CNTNAP2: variants seen among roughly 807,000 people sequenced by gnomAD.
CNTNAP2 encodes contactin-associated protein-like 2.
In CNTNAP2, 98 loss-of-function variants were observed where a neutral mutation model predicts 155.2. The ratio of observed to expected loss-of-function variants is 0.63; its 90% CI spans 0.54 to 0.75. The LOEUF (loss-of-function observed/expected upper bound fraction) is 0.75. Ranked by LOEUF, CNTNAP2 falls within the 30% of genes least tolerant of loss-of-function variation. The pLI is 0.00. For missense variants in CNTNAP2, 1,727 were observed against 1,688.1 expected (o/e 1.02, Z -0.40); for synonymous variants, 651 against 631.2 (o/e 1.03, Z -0.47).
intron 1 of CNTNAP2, among the ~76,000 whole-genome samples, chr7:146,499,919 A>G (rs1054021390): frequency 6.6e-6 from 1 of 152,220 alleles, no homozygotes; most frequent in Non-Finnish European, 1.5e-5. Flanking sequence ...TTTAGAGTAC[A>G]AGTCTTACAC....
chr7:146,536,304 A>G (rs1030329002), intron 1 of CNTNAP2, among the ~76,000 whole-genome samples: 3 of 152,130 alleles, frequency 2.0e-5, no homozygotes, highest in African/African-American at 2.4e-5. Flanking sequence ...TATACATAGA[A>G]GAGAGCAGCT....
intron 1 of CNTNAP2, among the ~76,000 whole-genome samples, chr7:146,617,763 A>AT (rs1242495129): frequency 1.3e-4 from 20 of 152,270 alleles, no homozygotes; most frequent in African/African-American, 3.1e-4. Flanking sequence ...GAAACAAAAT[A>AT]TTTTTTTAAA....
At chr7:148,244,949 G>A (rs1051989543) in intron 20 of CNTNAP2, among the ~76,000 whole-genome samples, 2 of 151,918 alleles carry the variant, frequency 1.3e-5, no homozygotes, top group Non-Finnish European at 2.9e-5. Context: ...ATATTTAATA[G>A]TAATATGATT....
At chr7:147,467,839 G>A (rs932881805) in intron 10 of CNTNAP2, among the ~76,000 whole-genome samples, 1 of 149,202 alleles carries the variant, frequency 6.7e-6, no homozygotes, top group Non-Finnish European at 1.5e-5. Context: ...ACACCAGCCT[G>A]GGAAACATAG....
At chr7:147,714,106 A>G (rs1796447177) in intron 13 of CNTNAP2, among the ~76,000 whole-genome samples, 1 of 152,112 alleles carries the variant, frequency 6.6e-6, no homozygotes, top group Non-Finnish European at 1.5e-5. Flanking sequence ...ATTAATACAC[A>G]TAAGAACCCT....
At chr7:146,554,249 TA>T (rs1305464831) in intron 1 of CNTNAP2, among the ~76,000 whole-genome samples, 2 of 152,062 alleles carry the variant, frequency 1.3e-5, no homozygotes, top group African/African-American at 2.4e-5. Context: ...CTGAAGCCCC[TA>T]AAAAAATACT....
chr7:146,147,702 G>T (rs1310991270), intron 1 of CNTNAP2, among the ~76,000 whole-genome samples: 1 of 152,034 alleles, frequency 6.6e-6, no homozygotes. Flanking sequence ...ATAGACATCT[G>T]CTCTATCCTG....
At chr7:147,934,038 CT>C (rs1800559744) in intron 14 of CNTNAP2, among the ~76,000 whole-genome samples, 1 of 152,112 alleles carries the variant, frequency 6.6e-6, no homozygotes, top group Admixed American at 6.6e-5. Flanking sequence ...GAGTAGAATG[CT>C]GGTTGCCAGG....
intron 3 of CNTNAP2, among the ~76,000 whole-genome samples, chr7:146,973,092 G>A (rs986167766): frequency 5.3e-5 from 8 of 152,228 alleles, no homozygotes; most frequent in East Asian, 1.9e-4. Flanking sequence ...GCAATGGCAC[G>A]ATCCCAGCTC....
intron 9 of CNTNAP2, among the ~76,000 whole-genome samples, chr7:147,388,101 T>A (rs1359613629): frequency 6.6e-6 from 1 of 152,224 alleles, no homozygotes; most frequent in Non-Finnish European, 1.5e-5. Context: ...TGTAGCTTCC[T>A]CTTTTTTTCT....
chr7:146,840,148 G>C (rs1803693011), intron 3 of CNTNAP2, among the ~76,000 whole-genome samples: 1 of 152,202 alleles, frequency 6.6e-6, no homozygotes, highest in African/African-American at 2.4e-5. Flanking sequence ...AAAGCACGTA[G>C]ATGAAAGGCA....
chr7:146,280,088 G>C (rs149916950), intron 1 of CNTNAP2, among the ~76,000 whole-genome samples: 3 of 152,082 alleles, frequency 2.0e-5, no homozygotes, highest in Non-Finnish European at 4.4e-5. Flanking sequence ...CTGTGTGTGC[G>C]TGTCGATGTG....
At chr7:146,956,379 C>T (rs1002433423) in intron 3 of CNTNAP2, among the ~76,000 whole-genome samples, 15 of 152,200 alleles carry the variant, frequency 9.9e-5, no homozygotes, top group African/African-American at 3.4e-4. Context: ...CTTGTTTACT[C>T]CTATTTATTC....
chr7:146,767,098 G>A (rs989606649), intron 1 of CNTNAP2, among the ~76,000 whole-genome samples: 1 of 152,006 alleles, frequency 6.6e-6, no homozygotes, highest in Non-Finnish European at 1.5e-5. Flanking sequence ...CAAACTAATT[G>A]TACTTCTCTT....
intron 10 of CNTNAP2, among the ~76,000 whole-genome samples, chr7:147,422,187 C>T (rs575468415): frequency 7.3e-6 from 1 of 136,654 alleles, no homozygotes; most frequent in Non-Finnish European, 1.5e-5. Flanking sequence ...TATATATACA[C>T]TATATAGTAT....
intron 14 of CNTNAP2, among the ~76,000 whole-genome samples, chr7:147,919,459 C>CTTTCTTTTGTTTTTTTTTTTTTTTT (rs58537091): frequency 2.0e-5 from 1 of 51,240 alleles, no homozygotes; most frequent in Non-Finnish European, 3.3e-5. Context: ...CTTTTTCTTT[C>CTTTCTTTTGTTTTTTTTTTTTTTTT]TTTTTTTTTT....
At chr7:147,210,994 A>G (rs1183473185) in intron 8 of CNTNAP2, among the ~76,000 whole-genome samples, 1 of 150,264 alleles carries the variant, frequency 6.7e-6, no homozygotes, top group Non-Finnish European at 1.5e-5. Context: ...TTATGGCTGA[A>G]CATGTGGTCA....
chr7:146,324,572 A>T (rs1191553789), intron 1 of CNTNAP2, among the ~76,000 whole-genome samples: 1 of 152,166 alleles, frequency 6.6e-6, no homozygotes, highest in Non-Finnish European at 1.5e-5. Context: ...TATTACATTG[A>T]TTCCTGACAT....
chr7:147,145,563 C>T (rs1210195778), intron 8 of CNTNAP2, among the ~76,000 whole-genome samples: 2 of 152,098 alleles, frequency 1.3e-5, no homozygotes, highest in Non-Finnish European at 2.9e-5. Flanking sequence ...CCTAGACCTC[C>T]CACCCACCCC....
Sources: allele counts gnomAD v4.1 joint callset (sites outside exome capture counted in the v4.1 genomes callset), GRCh38; gene constraint gnomAD v4.1.1; transcripts MANE v1.5; gene names NCBI Gene and HGNC (gene_info 2026-07-23, HGNC 2026-07-21).